The following PKD1L1 variants were observed in gnomAD, a reference collection of about 807,000 sequenced individuals.
PKD1L1 encodes polycystin 1 like 1, transient receptor potential channel interacting, also known as polycystin-1-like protein 1.
Under a neutral mutation model 323.4 loss-of-function variants are expected in PKD1L1, and 236 were observed. The ratio of observed to expected loss-of-function variants is 0.73; its 90% CI spans 0.66 to 0.81. The LOEUF (loss-of-function observed/expected upper bound fraction) is 0.81. Among genes scored for constraint, PKD1L1 ranks in the 40% least tolerant of loss-of-function variants. PKD1L1 has a pLI of 0.00. For missense variants in PKD1L1, 3,320 were observed against 3,508.0 expected, an observed-to-expected ratio of 0.95 and a Z score of 1.35; for synonymous variants, 1,344 against 1,335.0, an observed-to-expected ratio of 1.01 and a Z score of -0.15.
rs914264138 is a variant in PKD1L1 at position 47,908,178 on chromosome 7, T to A, written c.1301A>T (p.Tyr434Phe). Residue 434 changes from tyrosine to phenylalanine, a missense_variant, in exon 9 of 57, where the codon TAT becomes TTT. Transcript: ENST00000289672. ...CACGGCCTCATGGCCAATCTCCACATAATAAGGCCCAAGCTCCACTTCGGT... is the reference window on the plus strand; with the variant it reads ...CACGGCCTCATGGCCAATCTCCACAAAATAAGGCCCAAGCTCCACTTCGGT... ...HGTEVELGPY[Y>F]VEIGHEAVSA... 6.2e-7 allele frequency: 1 copy of A among 1,614,210 alleles called. No homozygotes were observed. The highest frequency in any genetic ancestry group is 8.5e-7 in the Non-Finnish European group (1 of 1,180,032).
chr7:47,853,298 A>G, intron 30 of PKD1L1, 71 bp from the exon 31 acceptor site: 14 of 1,129,228 alleles, frequency 1.2e-5, no homozygotes, highest in Non-Finnish European at 1.7e-5. Context: ...TCAAATTTCT[A>G]TCAAGAGTTT....
intron 16 of PKD1L1, among the ~76,000 whole-genome samples, chr7:47,888,913 G>C (rs1786746657): frequency 6.6e-6 from 1 of 152,126 alleles, no homozygotes; most frequent in Non-Finnish European, 1.5e-5. Context: ...AAAAGGCCAG[G>C]TCGGTAGATA....
intron 3 of PKD1L1, among the ~76,000 whole-genome samples, chr7:47,938,649 G>T (rs80004723): frequency 0.047 from 7,197 of 152,246 alleles, 358 homozygotes; most frequent in African/African-American, 0.13. Context: ...AATGCAGCTT[G>T]GAAATGGGTC....
chr7:47,864,612 CTTTCTTTCTTTCTTTCTTTCT>C (rs1786113458), intron 26 of PKD1L1, among the ~76,000 whole-genome samples: 3 of 135,698 alleles, frequency 2.2e-5, no homozygotes, highest in South Asian at 2.3e-4. Context: ...TTCTTTCTTT[CTTTCTTTCTTTCTTTCTTTCT>C]TTCCTTCCTT....
chr7:47,788,799 G>C (rs917795066), intron 56 of PKD1L1, among the ~76,000 whole-genome samples: 3 of 151,238 alleles, frequency 2.0e-5, no homozygotes, highest in African/African-American at 7.3e-5. Context: ...GGTTTTCACC[G>C]TGTGAGCCAG....
At chr7:47,897,181 A>G (rs1170697436) in intron 14 of PKD1L1, among the ~76,000 whole-genome samples, 2 of 152,216 alleles carry the variant, frequency 1.3e-5, no homozygotes, top group African/African-American at 4.8e-5. Context: ...TTCCTCAGGC[A>G]AGGTCAGGGC....
At chr7:47,907,927 A>T in intron 9 of PKD1L1, 150 bp downstream of exon 9, 1 of 728,924 alleles carries the variant, frequency 1.4e-6, no homozygotes, top group Non-Finnish European at 2.1e-6. Context: ...GTATTCTGCA[A>T]GACATATTTT....
At chr7:47,795,613 T>G (rs1784506943) in intron 55 of PKD1L1, among the ~76,000 whole-genome samples, 1 of 152,198 alleles carries the variant, frequency 6.6e-6, no homozygotes, top group Non-Finnish European at 1.5e-5. Flanking sequence ...GTAATGCACC[T>G]AAGGCTCTAT....
chr7:47,888,281 A>C, intron 16 of PKD1L1, 131 bp from the exon 17 acceptor site: 1 of 896,098 alleles, frequency 1.1e-6, no homozygotes, highest in Non-Finnish European at 1.7e-6. Context: ...TAGCAATGTC[A>C]CAGCACATAT....
At chr7:47,880,284 A>ATATTTTTTTTTTTTTTT (rs1225214936) in intron 21 of PKD1L1, among the ~76,000 whole-genome samples, 5 of 56,780 alleles carry the variant, frequency 8.8e-5, no homozygotes, top group African/African-American at 3.2e-4. Context: ...ATATATATAT[A>ATATTTTTTTTTTTTTTT]TTTTTTTTTT....
intron 24 of PKD1L1, among the ~76,000 whole-genome samples, chr7:47,869,399 G>A (rs139233005): frequency 3.8e-4 from 58 of 152,274 alleles, no homozygotes; most frequent in African/African-American, 1.3e-3. Context: ...ATAAAATTAG[G>A]TTGTAAGTAA....
chr7:47,926,973 A>C (rs1787666970), intron 7 of PKD1L1, among the ~76,000 whole-genome samples: 1 of 152,254 alleles, frequency 6.6e-6, no homozygotes, highest in African/African-American at 2.4e-5. Context: ...ATGGGTGGCC[A>C]TTCAGGAAAC....
At chr7:47,851,572 C>T (rs1406226359) in intron 31 of PKD1L1, among the ~76,000 whole-genome samples, 1 of 152,052 alleles carries the variant, frequency 6.6e-6, no homozygotes, top group East Asian at 1.9e-4. Flanking sequence ...CTATATCACC[C>T]ATGGATCCTT....
intron 31 of PKD1L1, among the ~76,000 whole-genome samples, chr7:47,851,500 G>T (rs1457036725): frequency 6.6e-6 from 1 of 152,108 alleles, no homozygotes; most frequent in African/African-American, 2.4e-5. Context: ...CTTCTTTACT[G>T]AAGAATGCCA....
At chr7:47,894,196 G>C in intron 14 of PKD1L1, 137 bp from the exon 15 acceptor site, 1 of 723,202 alleles carries the variant, frequency 1.4e-6, no homozygotes, top group Non-Finnish European at 2.2e-6. Context: ...AACAGTCTTG[G>C]TAGTCAAAAT....
intron 15 of PKD1L1, among the ~76,000 whole-genome samples, chr7:47,893,427 T>G (rs567519123): frequency 3.9e-4 from 60 of 152,148 alleles, no homozygotes; most frequent in African/African-American, 1.4e-3. Flanking sequence ...CTGAGGCTGT[T>G]GCACATGGAT....
chr7:47,954,032 G>T, the PKD1L1 span, among the ~76,000 whole-genome samples: 1 of 152,208 alleles, frequency 6.6e-6, no homozygotes, highest in Non-Finnish European at 1.5e-5. Flanking sequence ...GTAAAAAGTG[G>T]TTAGTGTATA....
At chr7:47,847,904 A>G (rs1190870825) in intron 31 of PKD1L1, among the ~76,000 whole-genome samples, 2 of 152,196 alleles carry the variant, frequency 1.3e-5, no homozygotes, top group Non-Finnish European at 2.9e-5. Flanking sequence ...GCCCTAACAT[A>G]TAAAGAGCTC....
intron 7 of PKD1L1, among the ~76,000 whole-genome samples, chr7:47,928,255 C>T (rs927188278): frequency 6.6e-6 from 1 of 151,382 alleles, no homozygotes; most frequent in South Asian, 2.1e-4. Flanking sequence ...TGTATATGTT[C>T]AAAAAGTAAC....
Sources: allele counts gnomAD v4.1 joint callset (sites outside exome capture counted in the v4.1 genomes callset), GRCh38; gene constraint gnomAD v4.1.1; transcripts MANE v1.5; gene names NCBI Gene and HGNC (gene_info 2026-07-23, HGNC 2026-07-21).